Variants in SYTL5 observed in about 807,000 individuals in gnomAD.
The protein encoded by SYTL5 is synaptotagmin like 5.
SYTL5 carries 34 observed loss-of-function variants against 55.9 expected under a neutral mutation model. The observed-to-expected ratio is 0.61, with a 90% confidence interval of 0.46 to 0.81. The LOEUF (loss-of-function observed/expected upper bound fraction) is 0.81. SYTL5 is among the 30% of genes least tolerant of loss of function. The probability of loss-of-function intolerance (pLI) is 0.00; values close to 1 mark genes in which losing one functional copy is unlikely to be tolerated. For synonymous variants in SYTL5, 221 were observed against 188.7 expected (o/e 1.17, Z -1.40); for missense variants, 637 against 546.7 (o/e 1.17, Z -1.65).
chrX:37,995,750 T>C, the SYTL5 span, among the ~76,000 whole-genome samples: 5 of 112,491 alleles, frequency 4.4e-5, no homozygotes, highest in Non-Finnish European at 7.5e-5. Flanking sequence ...GGATGGGTAA[T>C]GGCAGTGAAC....
At chrX:38,017,418 T>C (rs1428156221) in intron 1 of SYTL5, among the ~76,000 whole-genome samples, 1 of 111,432 alleles carries the variant, frequency 9.0e-6, no homozygotes, top group Non-Finnish European at 1.9e-5. Flanking sequence ...AACAGTTTAC[T>C]TGATTGTTTA....
chrX:37,930,042 A>G, the SYTL5 span, among the ~76,000 whole-genome samples: 5 of 111,348 alleles, frequency 4.5e-5, no homozygotes, highest in Admixed American at 1.9e-4. Flanking sequence ...AAAAAGATAG[A>G]GAGTCTCTTG....
chrX:37,940,429 C>A, the SYTL5 span, among the ~76,000 whole-genome samples: 1 of 102,870 alleles, frequency 9.7e-6, no homozygotes, highest in African/African-American at 3.6e-5. Context: ...TGCAGTGAGC[C>A]GAGATCGCGC....
At chrX:38,003,613 G>T (rs1933914815), upstream of SYTL5, among the ~76,000 whole-genome samples, 1 of 111,581 alleles carries the variant, frequency 9.0e-6, no homozygotes, top group Non-Finnish European at 1.9e-5. Flanking sequence ...CATGCTCATG[G>T]GTAGGAAGAA....
the SYTL5 span, among the ~76,000 whole-genome samples, chrX:37,931,788 A>C: frequency 8.9e-6 from 1 of 111,953 alleles, no homozygotes; most frequent in South Asian, 3.7e-4. Context: ...AAATCCTGTA[A>C]ATTAATTAAC....
intron 6 of SYTL5, among the ~76,000 whole-genome samples, chrX:38,083,343 G>A (rs1481454506): frequency 9.0e-6 from 1 of 111,684 alleles, no homozygotes; most frequent in Non-Finnish European, 1.9e-5. Flanking sequence ...CCATTTTAGA[G>A]GGAGTCTTCT....
In SYTL5 at chrX:38,115,301, A is replaced by G. The variant is rs1476613048; in HGVS notation, c.1596+4819A>G. On this transcript the variant is annotated intron_variant, in intron 13 of 16. Transcript: ENST00000297875. The stretch of plus-strand genomic sequence containing the variant: ...AGATCGAGACCATCCTGGGTAACAC[A>G]GTGAAACCCCGTCTCTACTAAAAAT... 2.9e-5 allele frequency among the ~76,000 whole-genome samples: 3 copies of G among 101,697 alleles called. 1 individual carries two copies. The highest frequency in any genetic ancestry group is 7.8e-5 in the African/African-American group (2 of 25,773). 88.3% of individuals were successfully genotyped at this position (101,697 alleles called of 115,157 possible). A position where few individuals can be genotyped will look rare whatever the true frequency, so the allele number is the denominator to read the frequency against.
chrX:38,041,093 A>T (rs1325378714), intron 2 of SYTL5, among the ~76,000 whole-genome samples: 1 of 111,542 alleles, frequency 9.0e-6, no homozygotes, highest in African/African-American at 3.3e-5. Flanking sequence ...CATTCACCTT[A>T]TGGTTTTCTC....
the SYTL5 span, among the ~76,000 whole-genome samples, chrX:37,911,026 C>T: frequency 0.044 from 4,257 of 97,790 alleles, 259 homozygotes; most frequent in African/African-American, 0.17. Flanking sequence ...AGTGCAGCGG[C>T]GCCATCTCAG....
At chrX:38,103,141 T>A in intron 10 of SYTL5, 1 of 936,405 alleles carries the variant, frequency 1.1e-6, no homozygotes, top group Non-Finnish European at 1.5e-6. Flanking sequence ...ACTTCACAAA[T>A]TTCATGGTCT....
Position 38,011,884 on chromosome X carries a change from T to A in SYTL5, c.-357+5216T>A, listed in dbSNP as rs1934203321. 3.6e-5 allele frequency among the ~76,000 whole-genome samples: 4 copies of A among 111,459 alleles called. No homozygotes were observed. The South Asian group carries it at 1.5e-3, about 41-fold the overall frequency. The stretch of plus-strand genomic sequence containing the variant: ...TCTCTCACCGTAGTTTAGTGGGATT[T>A]TTTTTTTTTACTTTTCTCTAAGCGT... On this transcript the variant is annotated intron_variant, in intron 1 of 16. Coordinates refer to ENST00000297875, the MANE Select transcript of SYTL5 (RefSeq NM_138780.3).
intron 1 of SYTL5, among the ~76,000 whole-genome samples, chrX:38,027,486 A>G (rs1247384934): frequency 8.9e-6 from 1 of 111,875 alleles, no homozygotes; most frequent in Admixed American, 9.5e-5. Flanking sequence ...AAATTGCAGG[A>G]AAAAAACGAC....
chrX:38,091,797 G>A (rs1481894102), intron 7 of SYTL5, among the ~76,000 whole-genome samples: 1 of 111,362 alleles, frequency 9.0e-6, no homozygotes, highest in African/African-American at 3.3e-5. Context: ...TATTAGGGGG[G>A]AAATCACCCT....
the SYTL5 span, among the ~76,000 whole-genome samples, chrX:37,989,628 C>T: frequency 9.0e-6 from 1 of 111,701 alleles, no homozygotes; most frequent in Non-Finnish European, 1.9e-5. Context: ...ATTTGAGACT[C>T]CTTTTTCTTT....
chrX:37,993,003 TA>T, the SYTL5 span, among the ~76,000 whole-genome samples: 67 of 102,807 alleles, frequency 6.5e-4, no homozygotes, highest in South Asian at 1.7e-3. Flanking sequence ...GATCCAAATA[TA>T]AAAAAAAAAA....
the SYTL5 span, among the ~76,000 whole-genome samples, chrX:37,901,089 G>T: frequency 2.7e-5 from 3 of 111,790 alleles, no homozygotes; most frequent in African/African-American, 9.7e-5. Flanking sequence ...GCTTCACAAA[G>T]ATTTATTGTA....
At chrX:37,941,832 A>G in the SYTL5 span, among the ~76,000 whole-genome samples, 1 of 112,105 alleles carries the variant, frequency 8.9e-6, no homozygotes, top group Non-Finnish European at 1.9e-5. Flanking sequence ...CTTTTCATAG[A>G]ATAATTTTCT....
At chrX:37,981,447 C>T in the SYTL5 span, among the ~76,000 whole-genome samples, 2 of 111,214 alleles carry the variant, frequency 1.8e-5, no homozygotes, top group African/African-American at 6.6e-5. Flanking sequence ...AGGTGCATGC[C>T]ACCATGCCTA....
At chrX:37,959,962 G>C in the SYTL5 span, among the ~76,000 whole-genome samples, 1 of 111,685 alleles carries the variant, frequency 9.0e-6, no homozygotes, top group Admixed American at 9.5e-5. Flanking sequence ...CATGGATGCT[G>C]CCAAAGTTTA....
Sources: gnomAD v4.1 joint callset for allele counts (sites outside exome capture counted in the v4.1 genomes callset) on GRCh38, gnomAD v4.1.1 for gene constraint, MANE v1.5 for transcripts, NCBI Gene and HGNC (gene_info 2026-07-23, HGNC 2026-07-21) for gene names.